The following ZNF407 variants were observed in gnomAD, a reference collection of about 807,000 sequenced individuals.
ZNF407 encodes the protein zinc finger protein 407.
Under a neutral mutation model 131.2 loss-of-function variants are expected in ZNF407, and 17 were observed. That is an observed-to-expected ratio of 0.13 (90% CI 0.09 to 0.19). The LOEUF is 0.19. ZNF407 is among the 10% of genes least tolerant of loss of function. The pLI, the probability that ZNF407 is intolerant of heterozygous loss-of-function variation, is 1.00. For synonymous variants in ZNF407, 1,156 were observed against 1,062.0 expected (o/e 1.09, Z -1.72); for missense variants, 2,681 against 2,830.6 (o/e 0.95, Z 1.20).
intron 4 of ZNF407, among the ~76,000 whole-genome samples, chr18:74,800,134 C>T (rs554453009): frequency 2.0e-5 from 3 of 151,902 alleles, no homozygotes; most frequent in Admixed American, 2.0e-4. Context: ...TTTTTAAAGT[C>T]ATGGAATAAA....
In ZNF407 at chr18:74,759,447, A is replaced by G. The variant is rs542308028; in HGVS notation, c.4803-21981A>G. Among the ~76,000 whole-genome samples the G allele has an allele frequency of 8.6e-5, 13 of 152,026 alleles. No homozygotes were observed. The East Asian group carries it at 2.1e-3, about 25-fold the overall frequency. ...TTTCTTTTCCTGCCCTCTTCTTACT[A>G]TGTTTCTTATTATGTCCTTAATATT... On this transcript the variant is annotated intron_variant, in intron 3 of 8. Transcript: ENST00000299687.
At chr18:74,624,954 T>A (rs77706207) in intron 1 of ZNF407, among the ~76,000 whole-genome samples, 2 of 152,198 alleles carry the variant, frequency 1.3e-5, no homozygotes, top group Non-Finnish European at 2.9e-5. Flanking sequence ...CTGTAGATCT[T>A]AGTTTGCATT....
chr18:75,017,559 A>G (rs1436507817), intron 8 of ZNF407, among the ~76,000 whole-genome samples: 1 of 152,166 alleles, frequency 6.6e-6, no homozygotes, highest in Admixed American at 6.6e-5. Flanking sequence ...CAAGGTGATT[A>G]ACGGTGACTG....
intron 3 of ZNF407, among the ~76,000 whole-genome samples, chr18:74,651,747 T>C (rs1376256508): frequency 6.6e-6 from 1 of 152,172 alleles, no homozygotes; most frequent in Non-Finnish European, 1.5e-5. Flanking sequence ...TGCAGAGATA[T>C]AAAGCCGAGG....
chr18:74,974,334 T>C (rs1972504731), intron 8 of ZNF407, among the ~76,000 whole-genome samples: 1 of 152,198 alleles, frequency 6.6e-6, no homozygotes, highest in African/African-American at 2.4e-5. Context: ...CAGCCTTTAG[T>C]TTTGAAAAAT....
At chr18:74,753,589 A>T (rs190384708) in intron 3 of ZNF407, among the ~76,000 whole-genome samples, 4 of 152,150 alleles carry the variant, frequency 2.6e-5, no homozygotes, top group Admixed American at 2.6e-4. Flanking sequence ...TTGTCAAAGG[A>T]CTTTTCTGCA....
intron 3 of ZNF407, among the ~76,000 whole-genome samples, chr18:74,757,173 G>A (rs1310800573): frequency 6.6e-6 from 1 of 151,696 alleles, no homozygotes; most frequent in African/African-American, 2.4e-5. Flanking sequence ...GGAAAAATTA[G>A]GTTCTTGATT....
intron 4 of ZNF407, among the ~76,000 whole-genome samples, chr18:74,857,742 G>T (rs1970878722): frequency 6.6e-6 from 1 of 152,068 alleles, no homozygotes; most frequent in Non-Finnish European, 1.5e-5. Flanking sequence ...ATGAAGTACT[G>T]AGTACTTGAA....
Position 75,017,545 on chromosome 18 carries a change from T to A in ZNF407, c.5429-45605T>A, listed in dbSNP as rs1973059596. Among the ~76,000 whole-genome samples the A allele has an allele frequency of 2.0e-5, 3 of 152,094 alleles. No homozygotes were observed. The South Asian group carries it at 6.2e-4, about 32-fold the overall frequency. ...CAGCAACCACCCAACCCTATGCCATTCCTCAAGGTGATTAACGGTGACTGA... is the reference window on the plus strand; with the variant it reads ...CAGCAACCACCCAACCCTATGCCATACCTCAAGGTGATTAACGGTGACTGA... On this transcript the variant is annotated intron_variant, in intron 8 of 8. Coordinates refer to ENST00000299687, the MANE Select transcript of ZNF407 (RefSeq NM_017757.3).
intron 2 of ZNF407, among the ~76,000 whole-genome samples, chr18:74,639,980 A>G (rs1023535607): frequency 2.6e-5 from 4 of 152,112 alleles, no homozygotes; most frequent in African/African-American, 9.7e-5. Flanking sequence ...TAAAGTTCAC[A>G]TATTTCGTGT....
intron 6 of ZNF407, among the ~76,000 whole-genome samples, chr18:74,887,243 G>A (rs1411378026): frequency 6.6e-6 from 1 of 151,862 alleles, no homozygotes; most frequent in Non-Finnish European, 1.5e-5. Flanking sequence ...GTAAATTTTT[G>A]TGTAAGTCAT....
intron 3 of ZNF407, among the ~76,000 whole-genome samples, chr18:74,754,713 A>G (rs1300052985): frequency 6.6e-6 from 1 of 152,156 alleles, no homozygotes; most frequent in Non-Finnish European, 1.5e-5. Flanking sequence ...GGTCTGAGAG[A>G]CAGTTTGTTA....
chr18:74,893,720 A>G (rs1288136004), intron 7 of ZNF407, among the ~76,000 whole-genome samples: 1 of 152,184 alleles, frequency 6.6e-6, no homozygotes, highest in Non-Finnish European at 1.5e-5. Flanking sequence ...CATAGATTTA[A>G]TAAGTCTTTA....
At chr18:74,804,797 G>A (rs562315420) in intron 4 of ZNF407, among the ~76,000 whole-genome samples, 2 of 152,258 alleles carry the variant, frequency 1.3e-5, no homozygotes, top group South Asian at 4.1e-4. Context: ...GAAAATGTCA[G>A]CATCAATTTA....
At chr18:74,862,434 T>A (rs1394193830) in intron 4 of ZNF407, among the ~76,000 whole-genome samples, 1 of 152,168 alleles carries the variant, frequency 6.6e-6, no homozygotes, top group African/African-American at 2.4e-5. Context: ...TAAAAAAAAA[T>A]TAAATCATAC....
At chr18:75,049,920 G>A (rs1040388216) in intron 8 of ZNF407, among the ~76,000 whole-genome samples, 26 of 152,224 alleles carry the variant, frequency 1.7e-4, no homozygotes, top group Middle Eastern at 3.4e-3. Flanking sequence ...CTCTGTACTT[G>A]TATTGATGTA....
At chr18:74,688,340 A>T (rs1397198648) in intron 3 of ZNF407, among the ~76,000 whole-genome samples, 1 of 152,238 alleles carries the variant, frequency 6.6e-6, no homozygotes, top group Admixed American at 6.5e-5. Flanking sequence ...AAAGTATAAG[A>T]TATCTCTCTG....
At chr18:75,010,959 A>G (rs1312738102) in intron 8 of ZNF407, among the ~76,000 whole-genome samples, 1 of 152,190 alleles carries the variant, frequency 6.6e-6, no homozygotes, top group Non-Finnish European at 1.5e-5. Context: ...AGGATGTGGC[A>G]TCTCCAAATG....
intron 3 of ZNF407, among the ~76,000 whole-genome samples, chr18:74,687,343 A>G (rs1288472586): frequency 6.6e-6 from 1 of 152,198 alleles, no homozygotes; most frequent in African/African-American, 2.4e-5. Context: ...GTGAGACCCT[A>G]TGCCTCAAAC....
Sources: gnomAD v4.1 joint callset for allele counts (sites outside exome capture counted in the v4.1 genomes callset) on GRCh38, gnomAD v4.1.1 for gene constraint, MANE v1.5 for transcripts, NCBI Gene and HGNC (gene_info 2026-07-23, HGNC 2026-07-21) for gene names.